SGCZ: variants seen among roughly 807,000 people sequenced by gnomAD.
SGCZ encodes the protein zeta-sarcoglycan.
SGCZ carries 40 observed loss-of-function variants against 41.3 expected under a neutral mutation model. The observed-to-expected ratio is 0.97, with a 90% confidence interval of 0.75 to 1.26. The LOEUF is 1.26. Among genes scored for constraint, SGCZ ranks in the 50% most tolerant of loss-of-function variants. The pLI is 0.00. For synonymous variants in SGCZ, 206 were observed against 137.5 expected (o/e 1.50, Z -3.49); for missense variants, 552 against 369.8 (o/e 1.49, Z -4.04).
chr8:14,461,873 G>T (rs1016563136), intron 2 of SGCZ, among the ~76,000 whole-genome samples: 4 of 152,034 alleles, frequency 2.6e-5, no homozygotes, highest in African/African-American at 9.7e-5. Flanking sequence ...ATGCACAGGA[G>T]TTATTGAGAC....
At chr8:14,922,197 C>G (rs1181324945) in intron 1 of SGCZ, among the ~76,000 whole-genome samples, 1 of 151,786 alleles carries the variant, frequency 6.6e-6, no homozygotes, top group South Asian at 2.1e-4. Flanking sequence ...AGAAATACCA[C>G]AAGCAGAAAA....
chr8:14,276,603 A>T (rs1440798930), intron 3 of SGCZ, among the ~76,000 whole-genome samples: 2 of 152,078 alleles, frequency 1.3e-5, no homozygotes, highest in East Asian at 3.9e-4. Flanking sequence ...TCAGGTGCTC[A>T]CTTCTCACTT....
chr8:14,456,405 T>C (rs1482044029), intron 2 of SGCZ, among the ~76,000 whole-genome samples: 3 of 151,958 alleles, frequency 2.0e-5, no homozygotes, highest in African/African-American at 7.3e-5. Flanking sequence ...TGAAACTCCA[T>C]CTCAAAAAAT....
At chr8:14,446,877 A>G (rs1198332698) in intron 2 of SGCZ, among the ~76,000 whole-genome samples, 1 of 152,202 alleles carries the variant, frequency 6.6e-6, no homozygotes, top group Non-Finnish European at 1.5e-5. Context: ...GATCACGAGG[A>G]GATTATAGCA....
chr8:14,478,768 G>A (rs1170446823), intron 2 of SGCZ, among the ~76,000 whole-genome samples: 2 of 152,076 alleles, frequency 1.3e-5, no homozygotes, highest in African/African-American at 2.4e-5. Context: ...TCACTATCAC[G>A]CTTTTTCAGA....
At chr8:15,057,900 C>T (rs1404309891) in intron 1 of SGCZ, among the ~76,000 whole-genome samples, 1 of 152,114 alleles carries the variant, frequency 6.6e-6, no homozygotes, top group Non-Finnish European at 1.5e-5. Flanking sequence ...AATCTCATCA[C>T]CTAATCTGGG....
chr8:14,448,892 C>A (rs999350873), intron 2 of SGCZ, among the ~76,000 whole-genome samples: 1 of 152,186 alleles, frequency 6.6e-6, no homozygotes, highest in Admixed American at 6.5e-5. Context: ...ATGAGAATAT[C>A]TCTTCCCTCT....
chr8:14,531,409 C>T (rs959046693), intron 2 of SGCZ, among the ~76,000 whole-genome samples: 4 of 151,928 alleles, frequency 2.6e-5, no homozygotes, highest in Non-Finnish European at 4.4e-5. Context: ...ACTCACTGAA[C>T]TGCGGGAATG....
Position 14,982,195 on chromosome 8 carries a change from A to T in SGCZ, c.39+255390T>A, listed in dbSNP as rs192262251. On this transcript the variant is annotated intron_variant, in intron 1 of 7. Coordinates refer to ENST00000382080, the MANE Select transcript of SGCZ (RefSeq NM_139167.4). ...AAAGGAAATGACATTATTTGAAAAT[A>T]CAATTAAGACTGAAATGGATCATTT... is the stretch of plus-strand genomic sequence containing the variant. 1.3e-3 allele frequency among the ~76,000 whole-genome samples: 197 copies of T among 152,132 alleles called. 2 individuals carry two copies. Among genetic ancestry groups the T allele is most frequent in the Non-Finnish European group, 2.2e-3 (152 of 67,982 alleles).
At chr8:14,535,127 G>A (rs1015482643) in intron 2 of SGCZ, among the ~76,000 whole-genome samples, 1 of 151,900 alleles carries the variant, frequency 6.6e-6, no homozygotes, top group African/African-American at 2.4e-5. Flanking sequence ...AACTAAAGCA[G>A]TGTGAACATT....
intron 1 of SGCZ, among the ~76,000 whole-genome samples, chr8:14,705,378 T>C (rs1258169289): frequency 6.6e-6 from 1 of 151,644 alleles, no homozygotes; most frequent in African/African-American, 2.4e-5. Context: ...GGACTATCTA[T>C]GTGACTATGT....
intron 1 of SGCZ, among the ~76,000 whole-genome samples, chr8:14,999,251 A>C (rs1400543801): frequency 1.3e-5 from 2 of 152,254 alleles, no homozygotes; most frequent in Admixed American, 6.5e-5. Flanking sequence ...AACAAGGTCA[A>C]GCTATCTTCA....
chr8:15,196,771 T>G (rs539947060), intron 1 of SGCZ, among the ~76,000 whole-genome samples: 2 of 152,330 alleles, frequency 1.3e-5, no homozygotes, highest in African/African-American at 2.4e-5. Flanking sequence ...ATCTAAAATT[T>G]CTTATTTCTC....
At chr8:14,154,653 T>C (rs1056867143) in intron 5 of SGCZ, among the ~76,000 whole-genome samples, 6 of 152,218 alleles carry the variant, frequency 3.9e-5, no homozygotes, top group African/African-American at 1.2e-4. Context: ...CTAAATCTGA[T>C]TGGCTTTAAA....
chr8:14,878,701 T>C (rs551703770), intron 1 of SGCZ, among the ~76,000 whole-genome samples: 5 of 152,300 alleles, frequency 3.3e-5, no homozygotes, highest in South Asian at 2.1e-4. Context: ...ATAATGAGAA[T>C]GATTCCTGTG....
intron 2 of SGCZ, among the ~76,000 whole-genome samples, chr8:14,335,518 C>T (rs1802478413): frequency 6.6e-6 from 1 of 152,020 alleles, no homozygotes; most frequent in South Asian, 2.1e-4. Flanking sequence ...ATCCGTTATA[C>T]CTTATTATAC....
At chr8:14,144,355 T>C (rs894063852) in intron 5 of SGCZ, among the ~76,000 whole-genome samples, 1 of 152,094 alleles carries the variant, frequency 6.6e-6, no homozygotes, top group Non-Finnish European at 1.5e-5. Flanking sequence ...CAAAATGACA[T>C]TTCTAGATAG....
intron 1 of SGCZ, among the ~76,000 whole-genome samples, chr8:14,597,613 G>A (rs993610220): frequency 3.9e-5 from 6 of 152,116 alleles, no homozygotes; most frequent in Admixed American, 2.0e-4. Context: ...GAGTAGCTGG[G>A]ATTACAGGCA....
intron 1 of SGCZ, among the ~76,000 whole-genome samples, chr8:14,555,942 T>C (rs1585076725): frequency 1.3e-5 from 2 of 152,226 alleles, no homozygotes; most frequent in Admixed American, 1.3e-4. Flanking sequence ...GAACACTATA[T>C]ATTATACCAT....
Sources: gnomAD v4.1 joint callset for allele counts (sites outside exome capture counted in the v4.1 genomes callset) on GRCh38, gnomAD v4.1.1 for gene constraint, MANE v1.5 for transcripts, NCBI Gene and HGNC (gene_info 2026-07-23, HGNC 2026-07-21) for gene names.